Variants in TMEM26 observed in about 807,000 individuals in gnomAD.
TMEM26 encodes transmembrane protein 26.
Under a neutral mutation model 28.8 loss-of-function variants are expected in TMEM26, and 38 were observed. The ratio of observed to expected loss-of-function variants is 1.32; its 90% CI spans 1.02 to 1.73. TMEM26 has a LOEUF of 1.73. TMEM26 is among the 40% of genes most tolerant of loss of function. The probability of loss-of-function intolerance (pLI) is 0.00; values close to 1 mark genes in which losing one functional copy is unlikely to be tolerated. For missense variants in TMEM26, 518 were observed against 447.1 expected (o/e 1.16, Z -1.43); for synonymous variants, 227 against 182.9 (o/e 1.24, Z -1.95).
Position 61,429,212 on chromosome 10 carries a change from C to G in TMEM26, c.385-66G>C, listed in dbSNP as rs1273118434. ...CCACCTGAGAGAGAAATATTTTCCTCACTGTGCTTTCAATCAAGAGTTTGC... is the reference window on the plus strand; with the variant it reads ...CCACCTGAGAGAGAAATATTTTCCTGACTGTGCTTTCAATCAAGAGTTTGC... On this transcript the variant is annotated intron_variant, in intron 3 of 5. Transcript: ENST00000399298. 10 of 1,357,320 alleles carry G rather than the reference C, an allele frequency of 7.4e-6. No individual in the cohort carries two copies. The African/African-American group carries it at 1.3e-4, about 18-fold the overall frequency. The allele number at this position is 1,357,320 out of a possible 1,614,324, so 84.1% of individuals were successfully genotyped here.
chr10:61,440,631 A>C (rs1018434929), intron 1 of TMEM26, among the ~76,000 whole-genome samples: 1 of 151,900 alleles, frequency 6.6e-6, no homozygotes, highest in Non-Finnish European at 1.5e-5. Flanking sequence ...CATATCAGTT[A>C]TATGGGACTT....
At position 61,431,218 on chromosome 10, in the gene TMEM26, C is replaced by T; in HGVS notation, c.384+1G>A. ...TTAATAAACAGTGGAAAAGCTCTCA[C>T]CGTCTCAATGAGATCATCAGCTCTA... On this transcript the variant is annotated splice_donor_variant, in intron 3 of 5. Transcript: ENST00000399298. LOFTEE classifies it high-confidence loss of function. 6.2e-7 allele frequency: 1 copy of T among 1,609,944 alleles called. No individual in the cohort carries two copies. Among genetic ancestry groups the T allele is most frequent in the Non-Finnish European group, 8.5e-7 (1 of 1,176,616 alleles).
chr10:61,436,188 T>C lies in TMEM26; in HGVS notation c.252A>G (p.Glu84=), dbSNP rs770746421. The C allele has an allele frequency of 1.2e-6, 2 of 1,609,018 alleles. No individual in the cohort carries two copies. The highest frequency in any genetic ancestry group is 1.1e-5 in the South Asian group (1 of 90,264). ...ISIVPSLWLL[E]LHHETQYCSI... ...GAAGTACCTGGGTCTCATGGTGCAATTCAAGAAGCCATAATGATGGAACGA... is the reference window on the plus strand; with the variant it reads ...GAAGTACCTGGGTCTCATGGTGCAACTCAAGAAGCCATAATGATGGAACGA... Residue 84 remains glutamate, a synonymous_variant, in exon 2 of 6, where the codon GAA becomes GAG. Transcript: ENST00000399298.
intron 1 of TMEM26, among the ~76,000 whole-genome samples, chr10:61,449,916 A>G (rs1306165453): frequency 1.3e-5 from 2 of 152,124 alleles, no homozygotes; most frequent in African/African-American, 4.8e-5. Flanking sequence ...ACACAACTCT[A>G]TAACTTTAGT....
At chr10:61,412,936 A>G (rs16916115) in intron 5 of TMEM26, 119,034 of 1,292,630 alleles carry the variant, frequency 0.092, 6,473 homozygotes, top group East Asian at 0.22. Context: ...GTAGGATTCC[A>G]AGGACCTCCA....
intron 4 of TMEM26, chr10:61,414,608 T>C (rs1483556078): frequency 6.6e-6 from 1 of 151,982 alleles, no homozygotes; most frequent in Non-Finnish European, 1.5e-5. Context: ...AAAAATAAAG[T>C]CTCAACTTTC....
chr10:61,446,953 G>A (rs1238029861), intron 1 of TMEM26, among the ~76,000 whole-genome samples: 5 of 144,810 alleles, frequency 3.5e-5, no homozygotes, highest in Non-Finnish European at 7.5e-5. Flanking sequence ...GCTCCCATCA[G>A]GGCTACAACA....
intron 1 of TMEM26, among the ~76,000 whole-genome samples, chr10:61,451,197 T>G (rs572136425): frequency 2.0e-5 from 3 of 152,300 alleles, no homozygotes; most frequent in Non-Finnish European, 4.4e-5. Context: ...CTCTCTCGGT[T>G]GTAAGTCACA....
At chr10:61,436,700 A>G (rs1047872222) in intron 1 of TMEM26, among the ~76,000 whole-genome samples, 1 of 152,240 alleles carries the variant, frequency 6.6e-6, no homozygotes, top group Non-Finnish European at 1.5e-5. Flanking sequence ...TCAAACAATA[A>G]TATGATGCTG....
chr10:61,424,287 TA>T (rs1839795757), intron 4 of TMEM26, among the ~76,000 whole-genome samples: 1 of 151,838 alleles, frequency 6.6e-6, no homozygotes, highest in African/African-American at 2.4e-5. Flanking sequence ...AAAATAAAAT[TA>T]AAAAAATAAT....
chr10:61,415,862 C>G (rs905475508), intron 4 of TMEM26, among the ~76,000 whole-genome samples: 1 of 151,962 alleles, frequency 6.6e-6, no homozygotes, highest in Non-Finnish European at 1.5e-5. Flanking sequence ...CTATGTGAGA[C>G]AGTTCAAGAA....
chr10:61,428,789 A>G, intron 4 of TMEM26, 137 bp downstream of exon 4: 2 of 730,530 alleles, frequency 2.7e-6, no homozygotes, highest in South Asian at 1.9e-5. Context: ...AAACAGCAGC[A>G]AATTCTCTGA....
chr10:61,440,749 A>G (rs1349073809), intron 1 of TMEM26, among the ~76,000 whole-genome samples: 1 of 152,112 alleles, frequency 6.6e-6, no homozygotes, highest in African/African-American at 2.4e-5. Context: ...ATATGTGTGT[A>G]TTTGATATCG....
intron 4 of TMEM26, among the ~76,000 whole-genome samples, chr10:61,419,495 T>C (rs1485376620): frequency 6.6e-6 from 1 of 151,944 alleles, no homozygotes; most frequent in African/African-American, 2.4e-5. Context: ...AATGGTTAAA[T>C]AGAAACTCTA....
intron 4 of TMEM26, among the ~76,000 whole-genome samples, chr10:61,417,461 T>C (rs1342630931): frequency 7.1e-6 from 1 of 141,184 alleles, no homozygotes; most frequent in Non-Finnish European, 1.6e-5. Flanking sequence ...ATAGAATTCA[T>C]CTAGTTTTTT....
intron 4 of TMEM26, among the ~76,000 whole-genome samples, chr10:61,424,669 A>G (rs935186049): frequency 6.6e-6 from 1 of 152,224 alleles, no homozygotes; most frequent in Non-Finnish European, 1.5e-5. Flanking sequence ...TCCAATTTCA[A>G]AACACACTAT....
At chr10:61,446,852 A>AAAAAAAAAAAG (rs1840191538) in intron 1 of TMEM26, among the ~76,000 whole-genome samples, 1 of 113,010 alleles carries the variant, frequency 8.8e-6, no homozygotes, top group Non-Finnish European at 1.8e-5. Flanking sequence ...AAAAAAAAAA[A>AAAAAAAAAAAG]TTAAAAATGC....
At chr10:61,424,422 G>A (rs1008930529) in intron 4 of TMEM26, among the ~76,000 whole-genome samples, 5 of 152,018 alleles carry the variant, frequency 3.3e-5, no homozygotes, top group African/African-American at 4.8e-5. Flanking sequence ...TCTAAACAAA[G>A]GATGAGATAT....
rs1317406216 is a variant in TMEM26, at chr10:61,443,292, A to C, written c.192-7044T>G. The stretch of plus-strand genomic sequence containing the variant: ...ACGGTGAAACCTGTCTCTACTAAAA[A>C]TACCAAAAAAAAAAAAAAAAAAATT... On this transcript the variant is annotated intron_variant, in intron 1 of 5. Coordinates refer to ENST00000399298, the MANE Select transcript of TMEM26 (RefSeq NM_178505.8). 1.2e-4 allele frequency among the ~76,000 whole-genome samples: 17 copies of C among 145,262 alleles called. No individual in the cohort carries two copies. In the East Asian group the frequency reaches 3.3e-3, roughly 29 times the overall value.
Sources: gnomAD v4.1 joint callset for allele counts (sites outside exome capture counted in the v4.1 genomes callset) on GRCh38, gnomAD v4.1.1 for gene constraint, MANE v1.5 for transcripts, NCBI Gene and HGNC (gene_info 2026-07-23, HGNC 2026-07-21) for gene names.